The following ABHD6 variants were observed in gnomAD, a reference collection of about 807,000 sequenced individuals.
ABHD6 encodes the protein monoacylglycerol lipase ABHD6.
In ABHD6, 33 loss-of-function variants were observed where a neutral mutation model predicts 38.8. That is an observed-to-expected ratio of 0.85 (90% CI 0.64 to 1.14). The LOEUF (loss-of-function observed/expected upper bound fraction) is 1.14. Ranked by LOEUF, ABHD6 falls within the 50% of genes most tolerant of loss-of-function variation. The pLI is 0.00. For synonymous variants in ABHD6, 147 were observed against 161.6 expected (o/e 0.91, Z 0.69); for missense variants, 380 against 422.6 (o/e 0.90, Z 0.88).
rs1266738704 is a variant in ABHD6, at chr3:58,256,950, C to G, written c.119+245C>G. On this transcript the variant is annotated intron_variant, in intron 3 of 9. Transcript: ENST00000478253. This position sits in a 1 kb window ranked among gnomAD's most constrained non-coding sequence, Gnocchi z 4.3. ...ACAGAGTTGTGCTCTGTTGCCCAGG[C>G]TGGAGTGCAGTGGGATGATCTCAGC... 2.0e-5 allele frequency among the ~76,000 whole-genome samples: 3 copies of G among 152,174 alleles called. No individual in the cohort carries two copies. The highest frequency in any genetic ancestry group is 2.9e-5 in the Non-Finnish European group (2 of 68,036).
intron 1 of ABHD6, among the ~76,000 whole-genome samples, chr3:58,247,318 A>G (rs1477376497): frequency 2.0e-5 from 3 of 151,850 alleles, no homozygotes; most frequent in Non-Finnish European, 2.9e-5. Context: ...GAACTAGTGT[A>G]GAGTCCGGGA....
chr3:58,247,230 T>G (rs2097427063), intron 1 of ABHD6, among the ~76,000 whole-genome samples: 2 of 152,102 alleles, frequency 1.3e-5, no homozygotes, highest in African/African-American at 2.4e-5. Context: ...CTCTAACTCC[T>G]GGGCTCAAAG....
intron 7 of ABHD6, among the ~76,000 whole-genome samples, chr3:58,280,242 T>G (rs1349041671): frequency 6.6e-6 from 1 of 152,250 alleles, no homozygotes; most frequent in Non-Finnish European, 1.5e-5. Context: ...AACATAGATT[T>G]GGTATTTTCA....
intron 6 of ABHD6, among the ~76,000 whole-genome samples, chr3:58,271,742 TCTC>T (rs565272486): frequency 9.4e-5 from 14 of 149,646 alleles, no homozygotes; most frequent in Non-Finnish European, 1.9e-4. Flanking sequence ...ATATTTTTTC[TCTC>T]CTCTATCTCC....
At chr3:58,258,945 A>C (rs2097435149) in intron 3 of ABHD6, among the ~76,000 whole-genome samples, 1 of 152,222 alleles carries the variant, frequency 6.6e-6, no homozygotes, top group South Asian at 2.1e-4. Context: ...TTGCCCTTGC[A>C]GTGCTGGTAG....
chr3:58,257,018 T>C lies in ABHD6; in HGVS notation c.119+313T>C, dbSNP rs1390571752. 3.3e-5 allele frequency among the ~76,000 whole-genome samples: 5 copies of C among 152,004 alleles called. No individual in the cohort carries two copies. Among genetic ancestry groups the C allele is most frequent in the Non-Finnish European group, 1.5e-5 (1 of 67,990 alleles). On this transcript the variant is annotated intron_variant, in intron 3 of 9. Coordinates refer to ENST00000478253, the MANE Select transcript of ABHD6 (RefSeq NM_001320126.2). This position sits in a 1 kb window ranked among gnomAD's most constrained non-coding sequence, Gnocchi z 4.8. ...TCCTGGCTTCAATCAATTTTCCTGC[T>C]TCAGCCTCCAAGTAGCTGAGATTTT...
At position 58,266,536 on chromosome 3, in the gene ABHD6, C is replaced by G. The variant is rs1462075859; in HGVS notation, c.120-653C>G. On this transcript the variant is annotated intron_variant, in intron 3 of 9. Transcript: ENST00000478253. The surrounding 1 kb of genome is among the most constrained non-coding windows in gnomAD (Gnocchi z 4.0). ...AAAAGTAAATGAATATATATCTTCT[C>G]TCCCTCTCTGCTTATTTTACACAAA... Among the ~76,000 whole-genome samples, 1 of 151,604 alleles carries G rather than the reference C, an allele frequency of 6.6e-6. No homozygotes were observed. Among genetic ancestry groups the G allele is most frequent in the African/African-American group, 2.4e-5 (1 of 41,316 alleles).
rs1300625022 is a variant in ABHD6 at position 58,273,085 on chromosome 3, A to G, written c.524-1573A>G. ...GGATGTACCACATGACATCTAACCT[A>G]GGTTTAGTTTTAAAGAGAGGGGAAA... is the stretch of plus-strand genomic sequence containing the variant. On this transcript the variant is annotated intron_variant, in intron 6 of 9. Transcript: ENST00000478253. The surrounding 1 kb of genome is among the most constrained non-coding windows in gnomAD (Gnocchi z 4.8). 6.6e-6 allele frequency among the ~76,000 whole-genome samples: 1 copy of G among 152,122 alleles called. No individual in the cohort carries two copies. Among genetic ancestry groups the G allele is most frequent in the Non-Finnish European group, 1.5e-5 (1 of 68,026 alleles).
At chr3:58,247,729 C>T (rs929396462) in intron 1 of ABHD6, among the ~76,000 whole-genome samples, 7 of 152,192 alleles carry the variant, frequency 4.6e-5, no homozygotes, top group African/African-American at 1.7e-4. Flanking sequence ...CGCACACCAC[C>T]ACGCCTGGCT....
chr3:58,271,764 C>CTGTTT (rs1553720272), intron 6 of ABHD6, among the ~76,000 whole-genome samples: 10 of 78,110 alleles, frequency 1.3e-4, no homozygotes, highest in Non-Finnish European at 1.7e-4. Flanking sequence ...CCCCCTCTCT[C>CTGTTT]TGTTTTTTTT....
rs2097446955 is a variant in ABHD6, at chr3:58,274,066, G to A, written c.524-592G>A. 1.3e-5 allele frequency among the ~76,000 whole-genome samples: 2 copies of A among 152,180 alleles called. 1 individual carries two copies. Among genetic ancestry groups the A allele is most frequent in the South Asian group, 4.1e-4 (2 of 4,830 alleles). The stretch of plus-strand genomic sequence containing the variant: ...CAATCTCAATTTTGCTCTCCTAGAG[G>A]AAGAGCAACTGTGGAGAAGGCAGCA... On this transcript the variant is annotated intron_variant, in intron 6 of 9. Coordinates refer to ENST00000478253, the MANE Select transcript of ABHD6 (RefSeq NM_001320126.2).
chr3:58,261,382 G>A (rs1335650211), intron 3 of ABHD6, among the ~76,000 whole-genome samples: 2 of 152,154 alleles, frequency 1.3e-5, no homozygotes, highest in East Asian at 3.9e-4. Context: ...TGTAATTTCA[G>A]CACTTTGGGA....
At chr3:58,286,691 C>A (rs1026505418) in intron 9 of ABHD6, among the ~76,000 whole-genome samples, 2 of 150,984 alleles carry the variant, frequency 1.3e-5, no homozygotes, top group African/African-American at 4.9e-5. Context: ...TCTAAGCACA[C>A]GTATAGTGTA....
chr3:58,275,357 T>C (rs1159048554), intron 7 of ABHD6, among the ~76,000 whole-genome samples: 1 of 137,008 alleles, frequency 7.3e-6, no homozygotes, highest in Admixed American at 7.7e-5. Flanking sequence ...CCAGACAGAG[T>C]CTCACTCTGT....
In ABHD6 at chr3:58,293,641, A is replaced by G. The variant is rs1279123207; in HGVS notation, c.890A>G (p.Gln297Arg). 2 of 1,614,116 alleles carry G rather than the reference A, an allele frequency of 1.2e-6. No homozygotes were observed. Among genetic ancestry groups the G allele is most frequent in the East Asian group, 2.2e-5 (1 of 44,896 alleles). The change falls in exon 10 of 10, where the codon CAG (glutamine) becomes CGG (arginine). Residue 297 changes from glutamine to arginine, a missense_variant. Transcript: ENST00000478253. This position sits in a 1 kb window ranked among gnomAD's most constrained non-coding sequence, Gnocchi z 4.4. Reference sequence around the variant, plus strand: ...TTGGCCAAGTCAATTGCCAACTGCCAGGTGGAGCTTCTGGAAAACTGTGGG... The same window carrying G: ...TTGGCCAAGTCAATTGCCAACTGCCGGGTGGAGCTTCTGGAAAACTGTGGG... Reference protein sequence around the residue: ...DMLAKSIANCQVELLENCGHS... With the variant: ...DMLAKSIANCRVELLENCGHS...
At chr3:58,292,412 C>A (rs775836709) in intron 9 of ABHD6, among the ~76,000 whole-genome samples, 3 of 151,986 alleles carry the variant, frequency 2.0e-5, no homozygotes, top group Non-Finnish European at 2.9e-5. Flanking sequence ...GGAGTGAATG[C>A]GGATCCACTT....
At position 58,290,712 on chromosome 3, in the gene ABHD6, G is replaced by A. The variant is rs77947346; in HGVS notation, c.838-2877G>A. ...TCACCTCCCAGACGGGGTCGCGGCC[G>A]GGCAGAGGCGCTCCTCACATCCCAG... is the stretch of plus-strand genomic sequence containing the variant. On this transcript the variant is annotated intron_variant, in intron 9 of 9. Transcript: ENST00000478253. Among the ~76,000 whole-genome samples the A allele has an allele frequency of 5.3e-5, 8 of 151,686 alleles. No homozygotes were observed. In the East Asian group the frequency reaches 5.9e-4, roughly 11 times the overall value.
At chr3:58,250,129 C>G (rs1041917289) in intron 2 of ABHD6, among the ~76,000 whole-genome samples, 187 bp downstream of exon 2, 4 of 152,084 alleles carry the variant, frequency 2.6e-5, no homozygotes, top group African/African-American at 9.7e-5. Flanking sequence ...TGACGCACAC[C>G]CTAAAAGCCC....
chr3:58,268,134 T>C (rs2097442427), intron 4 of ABHD6, among the ~76,000 whole-genome samples: 2 of 152,190 alleles, frequency 1.3e-5, no homozygotes, highest in African/African-American at 4.8e-5. Context: ...AAAAAAATTA[T>C]TGAGTTGAAT....
Sources: gnomAD v4.1 joint callset for allele counts (sites outside exome capture counted in the v4.1 genomes callset) on GRCh38, gnomAD v4.1.1 for gene constraint, Gnocchi (gnomAD v3.1) non-coding constraint, MANE v1.5 for transcripts, NCBI Gene and HGNC (gene_info 2026-07-23, HGNC 2026-07-21) for gene names.